Variants in IQCK observed in about 807,000 individuals in gnomAD.
IQCK encodes the protein IQ motif containing K, also known as IQ domain-containing protein K.
IQCK carries 29 observed loss-of-function variants against 28.1 expected under a neutral mutation model. The observed-to-expected ratio is 1.03, with a 90% CI of 0.77 to 1.41. The LOEUF is 1.41. Among genes scored for constraint, IQCK ranks in the 40% most tolerant of loss-of-function variants. The pLI is 0.00. For synonymous variants in IQCK, 113 were observed against 115.1 expected (o/e 0.98, Z 0.12); for missense variants, 359 against 314.7 (o/e 1.14, Z -1.07).
rs551679407 is a variant in IQCK at position 19,825,693 on chromosome 16, T to C, written c.691-1333T>C. On this transcript the variant is annotated intron_variant, in intron 7 of 7. Coordinates refer to ENST00000564186, the Ensembl canonical transcript of IQCK. This position sits in a 1 kb window ranked among gnomAD's most constrained non-coding sequence, Gnocchi z 4.2. ...AAAAAATGAAATAAAATTTGTAAGA[T>C]ACTTCAAACCATGCCTGGGAGATAA... is the stretch of plus-strand genomic sequence containing the variant. Among the ~76,000 whole-genome samples, 2 of 152,282 alleles carry C rather than the reference T, an allele frequency of 1.3e-5. No homozygotes were observed. The highest frequency in any genetic ancestry group is 2.1e-4 in the South Asian group (1 of 4,822).
chr16:19,745,382 AAGG>A (rs960512616), intron 4 of IQCK, among the ~76,000 whole-genome samples: 11 of 152,308 alleles, frequency 7.2e-5, no homozygotes, highest in African/African-American at 2.6e-4. Flanking sequence ...CAGGGACAAA[AAGG>A]AGGCCAGTAT....
At chr16:19,852,279 A>G (rs113396960) in intron 9 of IQCK, among the ~76,000 whole-genome samples, 39 of 152,298 alleles carry the variant, frequency 2.6e-4, no homozygotes, top group Non-Finnish European at 4.3e-4. Flanking sequence ...TAAAACACAT[A>G]TAACAATAAA....
intron 9 of IQCK, among the ~76,000 whole-genome samples, chr16:19,832,793 A>C (rs2056248993): frequency 6.6e-6 from 1 of 152,186 alleles, no homozygotes; most frequent in African/African-American, 2.4e-5. Context: ...GGCGGAAGGC[A>C]AAAGGGAAGC....
At chr16:19,738,705 C>T (rs2054790132) in intron 4 of IQCK, among the ~76,000 whole-genome samples, 1 of 152,190 alleles carries the variant, frequency 6.6e-6, no homozygotes, top group Non-Finnish European at 1.5e-5. Flanking sequence ...GAACTCAATA[C>T]ATGTTAACTT....
chr16:19,733,386 G>A (rs181683724), intron 2 of IQCK, among the ~76,000 whole-genome samples: 3 of 152,206 alleles, frequency 2.0e-5, no homozygotes, highest in Non-Finnish European at 1.5e-5. Flanking sequence ...TGATCCATCT[G>A]CTTTGGCTTC....
At chr16:19,816,984 T>C (rs1166332183) in intron 7 of IQCK, among the ~76,000 whole-genome samples, 2 of 152,156 alleles carry the variant, frequency 1.3e-5, no homozygotes, top group Non-Finnish European at 2.9e-5. Context: ...AGTTTGTAAT[T>C]TGTGGAGCTG....
chr16:19,745,167 C>T (rs1043721640), intron 4 of IQCK, among the ~76,000 whole-genome samples: 4 of 152,126 alleles, frequency 2.6e-5, no homozygotes, highest in Non-Finnish European at 4.4e-5. Flanking sequence ...ATTTTCAAGT[C>T]CTCATATTTG....
rs182851563 is a variant in IQCK at position 19,744,041 on chromosome 16, G to A, written c.474+8591G>A. On this transcript the variant is annotated intron_variant, in intron 4 of 7. Coordinates refer to ENST00000564186, the Ensembl canonical transcript of IQCK. ...GCACACATGAATTCAGGCATTGTGT[G>A]GTACATGGTTCAGCAATTCCATGAT... Among the ~76,000 whole-genome samples, 396 of 152,206 alleles carry A rather than the reference G, an allele frequency of 2.6e-3. 18 individuals are homozygous for A. The highest frequency in any genetic ancestry group is 2.8e-4 in the Non-Finnish European group (19 of 68,020).
At chr16:19,831,410 T>A (rs953801559), downstream of IQCK, among the ~76,000 whole-genome samples, 1 of 152,322 alleles carries the variant, frequency 6.6e-6, no homozygotes, top group East Asian at 1.9e-4. Context: ...TCCCTTTAAC[T>A]GTCGCCGAGT....
chr16:19,730,624 G>A, intron 2 of IQCK, 130 bp downstream of exon 2: 1 of 576,660 alleles, frequency 1.7e-6, no homozygotes, highest in Middle Eastern at 3.2e-4. Flanking sequence ...GCGAGAACCA[G>A]AAACTTGGGG....
intron 4 of IQCK, chr16:19,762,087 G>A (rs1420027052): frequency 6.6e-6 from 1 of 152,530 alleles, no homozygotes; most frequent in East Asian, 1.9e-4. Flanking sequence ...TTTTCTCAGA[G>A]GTCCCTAGAA....
At chr16:19,758,770 A>G (rs930066349) in intron 4 of IQCK, among the ~76,000 whole-genome samples, 1 of 152,194 alleles carries the variant, frequency 6.6e-6, no homozygotes, top group African/African-American at 2.4e-5. Context: ...TTTTTCATAA[A>G]GGGGTTTCAG....
chr16:19,855,064 A>G (rs139017287), intron 9 of IQCK, among the ~76,000 whole-genome samples: 141 of 152,320 alleles, frequency 9.3e-4, no homozygotes, highest in Non-Finnish European at 1.7e-3. Context: ...ACAATTTGAT[A>G]GTTGTCAAAC....
chr16:19,730,325 A>ACCAG, intron 1 of IQCK, 105 bp from the exon 2 acceptor site: 1 of 838,674 alleles, frequency 1.2e-6, no homozygotes, highest in East Asian at 2.7e-5. Flanking sequence ...TCTGTACACC[A>ACCAG]CCAGCCAAAA....
chr16:19,733,653 T>C, intron 2 of IQCK, 45 bp from the exon 3 acceptor site: 1 of 1,606,468 alleles, frequency 6.2e-7, no homozygotes, highest in Non-Finnish European at 8.5e-7. Context: ...TGCAATTATT[T>C]AAGCTGTTTA....
chr16:19,807,824 G>T (rs926576545), intron 7 of IQCK, among the ~76,000 whole-genome samples: 7 of 152,162 alleles, frequency 4.6e-5, no homozygotes, highest in African/African-American at 1.7e-4. Context: ...AATGGTGCAG[G>T]TTGCACAGTG....
chr16:19,763,996 T>C, intron 5 of IQCK, 39 bp from the exon 6 acceptor site: 1 of 1,603,644 alleles, frequency 6.2e-7, no homozygotes, highest in South Asian at 1.1e-5. Flanking sequence ...TTCTTGCTTA[T>C]TGTTTTCTTG....
At chr16:19,800,782 T>A (rs1481030145) in intron 7 of IQCK, among the ~76,000 whole-genome samples, 1 of 95,668 alleles carries the variant, frequency 1.0e-5, no homozygotes, top group Non-Finnish European at 1.7e-5. Flanking sequence ...ATATTGTGAT[T>A]GTTCAGTGGC....
intron 9 of IQCK, among the ~76,000 whole-genome samples, chr16:19,834,211 C>G (rs1188626444): frequency 1.3e-5 from 2 of 152,190 alleles, no homozygotes; most frequent in Non-Finnish European, 2.9e-5. Context: ...AGCGATGGAG[C>G]TTATGCCATG....
Sources: allele counts gnomAD v4.1 joint callset (sites outside exome capture counted in the v4.1 genomes callset), GRCh38; gene constraint gnomAD v4.1.1; non-coding constraint Gnocchi (gnomAD v3.1); transcripts MANE v1.5; gene names NCBI Gene and HGNC (gene_info 2026-07-23, HGNC 2026-07-21).